ITPR2: variants seen among roughly 807,000 people sequenced by gnomAD.
ITPR2 encodes inositol 1,4,5-trisphosphate receptor type 2.
Under a neutral mutation model 317.1 loss-of-function variants are expected in ITPR2, and 207 were observed. The observed-to-expected ratio is 0.65, with a 90% CI of 0.58 to 0.73. The LOEUF (loss-of-function observed/expected upper bound fraction) is 0.73. ITPR2 is among the 30% of genes least tolerant of loss of function. The pLI is 0.00. For missense variants in ITPR2, 2,613 were observed against 3,284.0 expected (o/e 0.80, Z 4.99); for synonymous variants, 1,156 against 1,149.1 (o/e 1.01, Z -0.12).
intron 45 of ITPR2, among the ~76,000 whole-genome samples, chr12:26,446,634 A>G (rs1941614273): frequency 6.6e-6 from 1 of 151,800 alleles, no homozygotes; most frequent in African/African-American, 2.4e-5. Context: ...ACAGAAACAC[A>G]GAAACATTTG....
chr12:26,718,328 T>C (rs1408816643), intron 5 of ITPR2, among the ~76,000 whole-genome samples: 2 of 152,074 alleles, frequency 1.3e-5, no homozygotes, highest in Non-Finnish European at 2.9e-5. Context: ...CTGTGCCATA[T>C]AAATCCTAGC....
chr12:26,399,611 G>A (rs551816085), intron 53 of ITPR2, among the ~76,000 whole-genome samples: 1 of 152,330 alleles, frequency 6.6e-6, no homozygotes, highest in Non-Finnish European at 1.5e-5. Context: ...CAACTGGCCG[G>A]AGCAGAGCTA....
intron 21 of ITPR2, among the ~76,000 whole-genome samples, chr12:26,632,986 C>A (rs1946787088): frequency 1.3e-5 from 2 of 152,194 alleles, no homozygotes; most frequent in Admixed American, 1.3e-4. Flanking sequence ...TGTCTCCATT[C>A]CTTTCCAAAC....
chr12:26,754,912 TTGTC>T (rs1949493585), intron 2 of ITPR2, among the ~76,000 whole-genome samples: 1 of 152,206 alleles, frequency 6.6e-6, no homozygotes, highest in South Asian at 2.1e-4. Flanking sequence ...TTGAATACAT[TTGTC>T]TGTAAGGTTT....
At chr12:26,599,012 C>A (rs1375469731) in intron 30 of ITPR2, 133 bp downstream of exon 30, 28 of 719,630 alleles carry the variant, frequency 3.9e-5, no homozygotes, top group Non-Finnish European at 5.5e-5. Context: ...AATATATTTG[C>A]ACTTGAGTAG....
Position 26,667,570 on chromosome 12 carries a change from G to A in ITPR2, c.1410-1519C>T, listed in dbSNP as rs572578883. 3.9e-5 allele frequency among the ~76,000 whole-genome samples: 6 copies of A among 152,276 alleles called. No individual in the cohort carries two copies. The South Asian group carries it at 1.2e-3, about 32-fold the overall frequency. ...TCAAAATGTGGTGTGAACTTCTTTT[G>A]AAATTGTGATTTAATGTCCTCCAAA... On this transcript the variant is annotated intron_variant, in intron 13 of 56. Transcript: ENST00000381340.
At chr12:26,435,390 G>C (rs1474581086) in intron 48 of ITPR2, among the ~76,000 whole-genome samples, 1 of 152,044 alleles carries the variant, frequency 6.6e-6, no homozygotes, top group East Asian at 1.9e-4. Flanking sequence ...AATTCTCACA[G>C]TAATCCCATG....
chr12:26,715,622 G>A (rs772109153), intron 7 of ITPR2, 130 bp downstream of exon 7: 8 of 756,800 alleles, frequency 1.1e-5, no homozygotes, highest in Admixed American at 5.6e-5. Flanking sequence ...AAAACACTTA[G>A]AGTAAGTATT....
chr12:26,767,414 T>C (rs1484856614), intron 2 of ITPR2, among the ~76,000 whole-genome samples: 3 of 152,244 alleles, frequency 2.0e-5, no homozygotes, highest in Non-Finnish European at 4.4e-5. Context: ...TGAACCTTTC[T>C]CTAGTGGCTT....
At chr12:26,446,082 T>C (rs918489937) in intron 45 of ITPR2, among the ~76,000 whole-genome samples, 3 of 152,146 alleles carry the variant, frequency 2.0e-5, no homozygotes, top group African/African-American at 7.2e-5. Context: ...AGTTCTTTTC[T>C]GGTTACTTTT....
chr12:26,476,186 T>C (rs1441305559), intron 44 of ITPR2, among the ~76,000 whole-genome samples: 1 of 152,226 alleles, frequency 6.6e-6, no homozygotes, highest in East Asian at 1.9e-4. Context: ...CATTCTTTAC[T>C]AATAAAGTGA....
chr12:26,675,222 A>G (rs1315210228), intron 13 of ITPR2, among the ~76,000 whole-genome samples: 1 of 152,178 alleles, frequency 6.6e-6, no homozygotes, highest in African/African-American at 2.4e-5. Flanking sequence ...ACTATAAATC[A>G]TGCTGTTATA....
chr12:26,351,879 C>T (rs1938494381), intron 55 of ITPR2, among the ~76,000 whole-genome samples: 1 of 152,216 alleles, frequency 6.6e-6, no homozygotes, highest in Non-Finnish European at 1.5e-5. Context: ...TTGAAAAGAA[C>T]ATAAATGTTT....
At chr12:26,828,690 A>G (rs900467003) in intron 1 of ITPR2, among the ~76,000 whole-genome samples, 3 of 152,234 alleles carry the variant, frequency 2.0e-5, no homozygotes, top group Admixed American at 2.0e-4. Context: ...TATTTTATTT[A>G]TGGATTCCCA....
intron 55 of ITPR2, among the ~76,000 whole-genome samples, chr12:26,363,464 C>A (rs575540517): frequency 6.6e-6 from 1 of 152,178 alleles, no homozygotes; most frequent in Non-Finnish European, 1.5e-5. Flanking sequence ...CCCCCTCACC[C>A]CCGATCCCAG....
At chr12:26,526,405 G>C (rs946069675) in intron 37 of ITPR2, among the ~76,000 whole-genome samples, 3 of 152,126 alleles carry the variant, frequency 2.0e-5, no homozygotes, top group Non-Finnish European at 4.4e-5. Context: ...CCTCTAAACA[G>C]AAAGAGGTGA....
At chr12:26,779,418 T>C (rs1229263466) in intron 2 of ITPR2, among the ~76,000 whole-genome samples, 1 of 152,216 alleles carries the variant, frequency 6.6e-6, no homozygotes, top group African/African-American at 2.4e-5. Context: ...CATAGCAGCA[T>C]TCTATCATCG....
At chr12:26,675,092 G>A (rs1293782996) in intron 13 of ITPR2, among the ~76,000 whole-genome samples, 18 of 151,768 alleles carry the variant, frequency 1.2e-4, no homozygotes, top group Admixed American at 1.2e-3. Context: ...CTTTTACACT[G>A]TTGGTGGGAC....
At chr12:26,628,202 A>G (rs767798947) in intron 22 of ITPR2, 40 bp from the exon 23 acceptor site, 1 of 1,511,616 alleles carries the variant, frequency 6.6e-7, no homozygotes, top group Admixed American at 1.9e-5. Context: ...TTCTTTCATT[A>G]GCATAGTATT....
Sources: allele counts gnomAD v4.1 joint callset (sites outside exome capture counted in the v4.1 genomes callset), GRCh38; gene constraint gnomAD v4.1.1; transcripts MANE v1.5; gene names NCBI Gene and HGNC (gene_info 2026-07-23, HGNC 2026-07-21).